The following LRRIQ3 variants were observed in gnomAD, a reference collection of about 807,000 sequenced individuals.
LRRIQ3 encodes leucine-rich repeat and IQ domain-containing protein 3.
LRRIQ3 carries 75 observed loss-of-function variants against 59.3 expected under a neutral mutation model. The observed-to-expected ratio is 1.26, with a 90% CI of 1.05 to 1.53. The LOEUF (loss-of-function observed/expected upper bound fraction) is 1.53. LRRIQ3 is among the 40% of genes most tolerant of loss of function. The pLI, the probability that LRRIQ3 is intolerant of heterozygous loss-of-function variation, is 0.00. For synonymous variants in LRRIQ3, 250 were observed against 231.3 expected, an observed-to-expected ratio of 1.08 and a Z score of -0.73; for missense variants, 831 against 710.0, an observed-to-expected ratio of 1.17 and a Z score of -1.94.
chr1:74,066,260 A>C lies in LRRIQ3; in HGVS notation c.997+8401T>G, dbSNP rs576273825. Reference sequence around the variant, plus strand: ...TATTTTGTCCTAAGATTATTAAGAAAATCTCTTAAATTCAAAGATCTCTAA... The same window carrying C: ...TATTTTGTCCTAAGATTATTAAGAACATCTCTTAAATTCAAAGATCTCTAA... On this transcript the variant is annotated intron_variant, in intron 6 of 7. Transcript: ENST00000354431. Among the ~76,000 whole-genome samples, 11 of 152,140 alleles carry C rather than the reference A, an allele frequency of 7.2e-5. No individual in the cohort carries two copies. In the South Asian group the frequency reaches 2.3e-3, roughly 32 times the overall value.
chr1:74,110,868 C>T (rs1471127230), intron 4 of LRRIQ3, among the ~76,000 whole-genome samples: 1 of 151,944 alleles, frequency 6.6e-6, no homozygotes, highest in East Asian at 1.9e-4. Flanking sequence ...AGTGGAGTAG[C>T]CCTGCTCCAT....
At chr1:74,128,987 A>G (rs1646974263) in intron 4 of LRRIQ3, among the ~76,000 whole-genome samples, 1 of 152,018 alleles carries the variant, frequency 6.6e-6, no homozygotes, top group Admixed American at 6.6e-5. Context: ...GATGAGCTAC[A>G]TATAGTTGAG....
At chr1:74,037,094 A>G (rs1653895478) in intron 7 of LRRIQ3, among the ~76,000 whole-genome samples, 1 of 152,140 alleles carries the variant, frequency 6.6e-6, no homozygotes, top group Non-Finnish European at 1.5e-5. Flanking sequence ...TTTATATACA[A>G]CCTTTACTAA....
chr1:74,046,434 C>G (rs906512162), intron 6 of LRRIQ3, among the ~76,000 whole-genome samples: 4 of 152,088 alleles, frequency 2.6e-5, no homozygotes, highest in Non-Finnish European at 4.4e-5. Context: ...CCCTACCTTA[C>G]ACCTTATACA....
intron 4 of LRRIQ3, among the ~76,000 whole-genome samples, chr1:74,129,782 G>A (rs1570168092): frequency 6.6e-6 from 1 of 151,908 alleles, no homozygotes; most frequent in South Asian, 2.1e-4. Context: ...GTACCTAAGG[G>A]ATCTTTAGCT....
In LRRIQ3 at chr1:74,026,926, T is replaced by A; in HGVS notation, c.1762A>T (p.Met588Leu). Residue 588 changes from methionine (M) to leucine (L), a missense_variant, in exon 8 of 8, where the codon ATG becomes TTG. Transcript: ENST00000354431. ...YKRHCEEKFV[M>L]DMIAFEKACE... Reference sequence around the variant, plus strand: ...GCTTTTTCAAAGGCAATCATATCCATAACAAATTTTTCTTCACAATGTCTT... The same window carrying A: ...GCTTTTTCAAAGGCAATCATATCCAAAACAAATTTTTCTTCACAATGTCTT... 2.5e-6 allele frequency: 4 copies of A among 1,589,752 alleles called. No individual in the cohort carries two copies. The highest frequency in any genetic ancestry group is 3.4e-6 in the Non-Finnish European group (4 of 1,164,386).
chr1:74,128,719 GTTGT>G (rs1439229248), intron 4 of LRRIQ3, among the ~76,000 whole-genome samples: 1 of 152,024 alleles, frequency 6.6e-6, no homozygotes, highest in African/African-American at 2.4e-5. Context: ...GCAGTCTGAG[GTTGT>G]TTGTATGTGT....
chr1:74,196,503 G>C (rs1216946064), intron 1 of LRRIQ3, among the ~76,000 whole-genome samples: 1 of 152,092 alleles, frequency 6.6e-6, no homozygotes, highest in Non-Finnish European at 1.5e-5. Context: ...AATGCATACA[G>C]ACACATACAC....
chr1:74,118,441 T>C (rs1295263046), intron 4 of LRRIQ3, among the ~76,000 whole-genome samples: 1 of 152,190 alleles, frequency 6.6e-6, no homozygotes, highest in African/African-American at 2.4e-5. Flanking sequence ...TATTTTATAC[T>C]GTCTTTGTAT....
At chr1:74,080,027 A>T (rs1377842740) in intron 5 of LRRIQ3, among the ~76,000 whole-genome samples, 2 of 151,670 alleles carry the variant, frequency 1.3e-5, no homozygotes, top group Admixed American at 6.6e-5. Flanking sequence ...GATTCTCTGA[A>T]TTTTTTGGTG....
intron 5 of LRRIQ3, among the ~76,000 whole-genome samples, chr1:74,107,277 C>T (rs1019059076): frequency 6.6e-6 from 1 of 151,866 alleles, no homozygotes; most frequent in Non-Finnish European, 1.5e-5. Flanking sequence ...CTTGGCTAAT[C>T]CTTTGTATTG....
chr1:74,060,870 A>C (rs184544252), intron 6 of LRRIQ3, among the ~76,000 whole-genome samples: 8 of 152,204 alleles, frequency 5.3e-5, no homozygotes, highest in African/African-American at 1.7e-4. Context: ...GGACCTCTGC[A>C]TGTAGCTACC....
chr1:74,125,020 T>C (rs12083214), intron 4 of LRRIQ3, among the ~76,000 whole-genome samples: 6,031 of 152,026 alleles, frequency 0.04, 152 homozygotes, highest in South Asian at 0.13. Context: ...TTTTGTATCC[T>C]CTTCAATTTC....
intron 4 of LRRIQ3, among the ~76,000 whole-genome samples, chr1:74,110,888 C>T (rs797011487): frequency 5.9e-5 from 9 of 152,068 alleles, no homozygotes; most frequent in South Asian, 2.1e-4. Flanking sequence ...TAAAGTCATT[C>T]GATTTTGTTT....
At chr1:74,033,209 C>A (rs1019692656) in intron 7 of LRRIQ3, among the ~76,000 whole-genome samples, 7 of 151,900 alleles carry the variant, frequency 4.6e-5, no homozygotes, top group Non-Finnish European at 8.8e-5. Context: ...TTCTTCTAGA[C>A]ATTTTTATCC....
intron 1 of LRRIQ3, among the ~76,000 whole-genome samples, chr1:74,195,502 A>G (rs907096508): frequency 6.6e-6 from 1 of 152,206 alleles, no homozygotes; most frequent in Non-Finnish European, 1.5e-5. Flanking sequence ...GTTGGAAGAC[A>G]TTTTAATGGG....
intron 3 of LRRIQ3, among the ~76,000 whole-genome samples, chr1:74,169,558 CTTTTT>C (rs1270796608): frequency 6.6e-6 from 1 of 151,806 alleles, no homozygotes; most frequent in Non-Finnish European, 1.5e-5. Flanking sequence ...TTCTCCAACA[CTTTTT>C]TTTAAGAGAC....
intron 5 of LRRIQ3, among the ~76,000 whole-genome samples, chr1:74,100,354 T>C (rs963278457): frequency 6.6e-6 from 1 of 152,114 alleles, no homozygotes; most frequent in Non-Finnish European, 1.5e-5. Context: ...TTACAAGGGA[T>C]GTAAAGGACC....
intron 1 of LRRIQ3, among the ~76,000 whole-genome samples, chr1:74,186,418 A>T (rs1035284226): frequency 8.5e-5 from 13 of 152,162 alleles, no homozygotes; most frequent in Non-Finnish European, 1.5e-4. Context: ...CCAAAATGAG[A>T]GGTTCTACAC....
Sources: allele counts gnomAD v4.1 joint callset (sites outside exome capture counted in the v4.1 genomes callset), GRCh38; gene constraint gnomAD v4.1.1; transcripts MANE v1.5; gene names NCBI Gene and HGNC (gene_info 2026-07-23, HGNC 2026-07-21).